CTNNA3: variants seen among roughly 807,000 people sequenced by gnomAD.
The protein encoded by CTNNA3 is catenin alpha 3, also known as catenin alpha-3.
In CTNNA3, 76 loss-of-function variants were observed where a neutral mutation model predicts 95.7. The observed-to-expected ratio is 0.79, with a 90% confidence interval of 0.66 to 0.96. The LOEUF (loss-of-function observed/expected upper bound fraction) is 0.96, where lower values mean the gene tolerates loss of function less well. Ranked by LOEUF, CTNNA3 falls within the 40% of genes least tolerant of loss-of-function variation. CTNNA3 has a pLI of 0.00. For synonymous variants in CTNNA3, 431 were observed against 374.4 expected (o/e 1.15, Z -1.74); for missense variants, 1,191 against 1,089.8 (o/e 1.09, Z -1.31).
At position 67,676,993 on chromosome 10, in the gene CTNNA3, G is replaced by A. The variant is rs10997773; in HGVS notation, c.-6+19007C>T. Among the ~76,000 whole-genome samples the A allele has an allele frequency of 4.2e-3, 638 of 151,702 alleles. 3 individuals are homozygous for A. The highest frequency in any genetic ancestry group is 0.015 in the African/African-American group (611 of 41,038). On this transcript the variant is annotated intron_variant, in intron 1 of 17. Transcript: ENST00000433211. The stretch of plus-strand genomic sequence containing the variant: ...CAGTACTAATTTGATGCAGGGGTCA[G>A]AAGAACTCTTCCTAACAACAGATAC...
At chr10:67,286,408 A>T (rs1429084192) in intron 5 of CTNNA3, among the ~76,000 whole-genome samples, 2 of 152,236 alleles carry the variant, frequency 1.3e-5, no homozygotes, top group Non-Finnish European at 2.9e-5. Context: ...GGACATTTTT[A>T]AAATCTGTTA....
chr10:66,768,145 C>G, intron 8 of CTNNA3, among the ~76,000 whole-genome samples: 1 of 152,198 alleles, frequency 6.6e-6, no homozygotes, highest in East Asian at 1.9e-4. Context: ...GAGATTCCTT[C>G]TAATTTCTCA....
chr10:67,197,064 G>C (rs1863407177), intron 6 of CTNNA3, among the ~76,000 whole-genome samples: 1 of 152,026 alleles, frequency 6.6e-6, no homozygotes, highest in African/African-American at 2.4e-5. Context: ...TAAAACTAAA[G>C]TATATGCCCC....
intron 7 of CTNNA3, among the ~76,000 whole-genome samples, chr10:66,983,016 G>A (rs1056981674): frequency 2.6e-5 from 4 of 152,210 alleles, no homozygotes; most frequent in African/African-American, 9.6e-5. Context: ...CTAATGAGCA[G>A]AAGGGCAGGT....
At chr10:66,025,005 A>G (rs2079307206) in intron 15 of CTNNA3, among the ~76,000 whole-genome samples, 1 of 152,240 alleles carries the variant, frequency 6.6e-6, no homozygotes, top group Non-Finnish European at 1.5e-5. Flanking sequence ...TTTAAATACT[A>G]AATCTAGCAG....
At chr10:67,660,045 A>G (rs56256412) in intron 1 of CTNNA3, among the ~76,000 whole-genome samples, 33,566 of 152,092 alleles carry the variant, frequency 0.22, 7,291 homozygotes, top group African/African-American at 0.57. Context: ...AAATACACTT[A>G]GGAAAACAAA....
intron 12 of CTNNA3, among the ~76,000 whole-genome samples, chr10:66,353,936 A>G (rs2092586876): frequency 6.6e-6 from 1 of 152,084 alleles, no homozygotes; most frequent in Admixed American, 6.5e-5. Context: ...AAAAATGTGA[A>G]TAGTGAGGAA....
chr10:67,515,341 T>G (rs10823054), intron 5 of CTNNA3, among the ~76,000 whole-genome samples: 27,940 of 152,132 alleles, frequency 0.18, 3,642 homozygotes, highest in East Asian at 0.67. Flanking sequence ...AGGATGACCT[T>G]GCATGATGCA....
At position 66,808,666 on chromosome 10, in the gene CTNNA3, C is replaced by A. The variant is rs541920132; in HGVS notation, c.1048-33142G>T. Reference sequence around the variant, plus strand: ...GATATCTCGTGCCATTCTGGTCTGTCCCACTCAGGACATGAGTCATTCCTT... The same window carrying A: ...GATATCTCGTGCCATTCTGGTCTGTACCACTCAGGACATGAGTCATTCCTT... On this transcript the variant is annotated intron_variant, in intron 7 of 17. Transcript: ENST00000433211. 3.3e-5 allele frequency among the ~76,000 whole-genome samples: 5 copies of A among 152,200 alleles called. No homozygotes were observed. In the South Asian group the frequency reaches 1.0e-3, roughly 32 times the overall value.
At chr10:66,261,759 A>T (rs1247768978) in intron 13 of CTNNA3, among the ~76,000 whole-genome samples, 2 of 151,916 alleles carry the variant, frequency 1.3e-5, no homozygotes, top group Non-Finnish European at 2.9e-5. Context: ...TGTTCTTCGG[A>T]TCCCCAATTC....
intron 7 of CTNNA3, among the ~76,000 whole-genome samples, chr10:66,872,811 C>T (rs936356782): frequency 6.6e-6 from 1 of 152,060 alleles, no homozygotes; most frequent in East Asian, 1.9e-4. Context: ...TGAGCATAGT[C>T]CCCATAGGTA....
intron 7 of CTNNA3, among the ~76,000 whole-genome samples, chr10:67,094,729 TCTTA>T (rs1446037602): frequency 1.3e-5 from 2 of 151,744 alleles, no homozygotes; most frequent in Admixed American, 6.6e-5. Context: ...TAAAAAATTA[TCTTA>T]CTTGACATTC....
chr10:67,072,026 C>A (rs1392081613), intron 7 of CTNNA3, among the ~76,000 whole-genome samples: 6 of 152,212 alleles, frequency 3.9e-5, no homozygotes, highest in African/African-American at 1.4e-4. Context: ...GATCTCAGCG[C>A]ACTGCAATCT....
chr10:66,371,897 C>T (rs2092757314), intron 12 of CTNNA3, among the ~76,000 whole-genome samples: 1 of 152,060 alleles, frequency 6.6e-6, no homozygotes, highest in South Asian at 2.1e-4. Flanking sequence ...GCAAGTGAGG[C>T]AAAAGCAGGG....
intron 13 of CTNNA3, among the ~76,000 whole-genome samples, chr10:66,258,595 T>C (rs540517802): frequency 6.6e-6 from 1 of 152,116 alleles, no homozygotes; most frequent in Non-Finnish European, 1.5e-5. Flanking sequence ...AAGCCTTTCT[T>C]TTTTTACGTA....
At chr10:67,635,819 A>G (rs147025373) in intron 2 of CTNNA3, among the ~76,000 whole-genome samples, 1 of 152,298 alleles carries the variant, frequency 6.6e-6, no homozygotes, top group East Asian at 1.9e-4. Context: ...GGCCAGGACA[A>G]TAAGGCCAAG....
At chr10:66,723,351 C>T (rs1848685923) in intron 9 of CTNNA3, among the ~76,000 whole-genome samples, 1 of 152,062 alleles carries the variant, frequency 6.6e-6, no homozygotes, top group African/African-American at 2.4e-5. Flanking sequence ...ACCCAAGGGC[C>T]CATTTTTCTA....
chr10:67,108,383 A>G lies in CTNNA3; in HGVS notation c.1047+71934T>C, dbSNP rs574461640. Among the ~76,000 whole-genome samples, 6 of 152,272 alleles carry G rather than the reference A, an allele frequency of 3.9e-5. No homozygotes were observed. The East Asian group carries it at 1.2e-3, about 29-fold the overall frequency. On this transcript the variant is annotated intron_variant, in intron 7 of 17. Coordinates refer to ENST00000433211, the MANE Select transcript of CTNNA3 (RefSeq NM_013266.4). ...ACCTCTGTGTTTATTTGGTAGGTAC[A>G]AATTTTCATTCACGGGTATTTGTTC...
intron 7 of CTNNA3, among the ~76,000 whole-genome samples, chr10:66,968,627 A>G (rs1208747485): frequency 1.3e-5 from 2 of 152,114 alleles, no homozygotes; most frequent in Non-Finnish European, 2.9e-5. Flanking sequence ...CACTCAATAC[A>G]TATTCATTAA....
Sources: allele counts gnomAD v4.1 joint callset (sites outside exome capture counted in the v4.1 genomes callset), GRCh38; gene constraint gnomAD v4.1.1; transcripts MANE v1.5; gene names NCBI Gene and HGNC (gene_info 2026-07-23, HGNC 2026-07-21).